The following CD300A variants were observed in gnomAD, a reference collection of about 807,000 sequenced individuals.
CD300A encodes CMRF35-like molecule 8.
CD300A carries 22 observed loss-of-function variants against 33.6 expected under a neutral mutation model. The observed-to-expected ratio is 0.66, with a 90% CI of 0.47 to 0.94. The LOEUF (loss-of-function observed/expected upper bound fraction) is 0.94. Ranked by LOEUF, CD300A falls within the 40% of genes least tolerant of loss-of-function variation. CD300A has a pLI of 0.00. For missense variants in CD300A, 326 were observed against 360.5 expected, an observed-to-expected ratio of 0.90 and a Z score of 0.77; for synonymous variants, 136 against 148.1, an observed-to-expected ratio of 0.92 and a Z score of 0.59.
chr17:74,483,925 C>G, intron 6 of CD300A, 76 bp from the exon 7 acceptor site: 1 of 1,555,948 alleles, frequency 6.4e-7, no homozygotes, highest in South Asian at 1.2e-5. Flanking sequence ...GGTGTCCTCC[C>G]TCCTCCATCC....
chr17:74,474,943 C>T (rs547388006), intron 3 of CD300A, among the ~76,000 whole-genome samples: 14 of 152,266 alleles, frequency 9.2e-5, no homozygotes, highest in South Asian at 4.1e-4. Flanking sequence ...CTACGAGGCC[C>T]GTGTTAGATG....
At chr17:74,482,453 A>G (rs1337396558) in intron 6 of CD300A, among the ~76,000 whole-genome samples, 1 of 151,810 alleles carries the variant, frequency 6.6e-6, no homozygotes, top group Non-Finnish European at 1.5e-5. Context: ...GACAGGGGAC[A>G]TTGTTGCTGG....
At chr17:74,474,434 AG>A in intron 2 of CD300A, 97 bp from the exon 3 acceptor site, 1 of 1,232,714 alleles carries the variant, frequency 8.1e-7, no homozygotes, top group Non-Finnish European at 1.2e-6. Flanking sequence ...CCCCTTCCTT[AG>A]TGGGCAGTTT....
chr17:74,476,933 T>C (rs1792609817), intron 3 of CD300A, among the ~76,000 whole-genome samples: 1 of 151,934 alleles, frequency 6.6e-6, no homozygotes, highest in East Asian at 1.9e-4. Context: ...TGTATACACA[T>C]AAAGAAACTC....
chr17:74,478,211 C>T (rs776632600), intron 4 of CD300A, among the ~76,000 whole-genome samples: 3 of 152,222 alleles, frequency 2.0e-5, no homozygotes, highest in Non-Finnish European at 4.4e-5. Context: ...TTTCTTTTCT[C>T]TGGGACCTTT....
chr17:74,481,140 C>A (rs1598108549), intron 4 of CD300A, 149 bp from the exon 5 acceptor site: 1 of 642,422 alleles, frequency 1.6e-6, no homozygotes. Context: ...TCAACAAACC[C>A]TTGAGTTCCT....
At chr17:74,481,407 G>A (rs367638221) in intron 5 of CD300A, 81 bp downstream of exon 5, 22 of 1,300,278 alleles carry the variant, frequency 1.7e-5, no homozygotes, top group Middle Eastern at 1.9e-4. Context: ...CAGTCCCATC[G>A]GCCAACGGAG....
intron 3 of CD300A, among the ~76,000 whole-genome samples, chr17:74,475,197 G>A (rs1284482010): frequency 6.6e-6 from 1 of 152,122 alleles, no homozygotes; most frequent in Non-Finnish European, 1.5e-5. Flanking sequence ...AGCAAAAGGG[G>A]TTTCCTCTTA....
intron 1 of CD300A, among the ~76,000 whole-genome samples, chr17:74,472,093 T>C (rs1351978367): frequency 6.6e-6 from 1 of 151,436 alleles, no homozygotes; most frequent in Non-Finnish European, 1.5e-5. Context: ...ACACAAAAAT[T>C]ATCCGGGTGT....
intron 4 of CD300A, 72 bp from the exon 5 acceptor site, chr17:74,481,217 G>A: frequency 6.8e-7 from 1 of 1,478,312 alleles, no homozygotes; most frequent in South Asian, 1.1e-5. Flanking sequence ...CCTTTTCCCA[G>A]AAGGCTTGTA....
At chr17:74,476,747 A>G (rs1353856097) in intron 3 of CD300A, among the ~76,000 whole-genome samples, 1 of 152,226 alleles carries the variant, frequency 6.6e-6, no homozygotes, top group Non-Finnish European at 1.5e-5. Context: ...ATTTAAATAA[A>G]TCACAGTCTA....
At chr17:74,477,379 A>G in intron 3 of CD300A, 57 bp from the exon 4 acceptor site, 1 of 1,149,150 alleles carries the variant, frequency 8.7e-7, no homozygotes, top group South Asian at 1.4e-5. Flanking sequence ...TAAAAATAAA[A>G]AAGTAAGTTG....
intron 6 of CD300A, among the ~76,000 whole-genome samples, chr17:74,482,223 C>T (rs1282103104): frequency 3.3e-5 from 5 of 151,976 alleles, no homozygotes; most frequent in Admixed American, 2.0e-4. Flanking sequence ...AACCCTTGGG[C>T]GCAGCCACCT....
At chr17:74,483,969 C>A (rs747542138) in intron 6 of CD300A, 32 bp from the exon 7 acceptor site, 3 of 1,610,828 alleles carry the variant, frequency 1.9e-6, no homozygotes, top group East Asian at 4.5e-5. Flanking sequence ...TTGCCTCTCC[C>A]AAGTCTTCAG....
chr17:74,482,514 G>A lies in CD300A; in HGVS notation c.774+681G>A, dbSNP rs192495313. 1.0e-3 allele frequency among the ~76,000 whole-genome samples: 159 copies of A among 151,782 alleles called. No individual in the cohort carries two copies. The Middle Eastern group carries it at 0.02, about 19-fold the overall frequency. The stretch of plus-strand genomic sequence containing the variant: ...CCTGGGATATCTCCAGCCTGGTACC[G>A]TTCTCCCCAGGCCGCCGTTTTGCAC... On this transcript the variant is annotated intron_variant, in intron 6 of 6. Transcript: ENST00000360141.
rs372925371 is a variant in CD300A, at chr17:74,473,621, C to G, written c.126C>G (p.His42Gln). The G allele has an allele frequency of 2.1e-5, 34 of 1,614,108 alleles. No homozygotes were observed. The African/African-American group carries it at 4.3e-4, about 20-fold the overall frequency. ...LSVQCPYEKE[H>Q]RTLNKYWCRP... ...TGCAGTGTCCCTATGAGAAGGAACA[C>G]AGGACCCTCAACAAATACTGGTGCA... The change falls in exon 2 of 7, where the codon CAC (histidine) becomes CAG (glutamine). Residue 42 changes from histidine to glutamine, a missense_variant. By Grantham distance (24) the His-to-Gln change is conservative (BLOSUM62 0). Transcript: ENST00000360141.
chr17:74,473,981 A>T, intron 2 of CD300A, 107 bp downstream of exon 2: 1 of 1,045,810 alleles, frequency 9.6e-7, no homozygotes, highest in East Asian at 2.9e-5. Context: ...TGTGTGCGTA[A>T]GAGAGAGAGA....
chr17:74,477,386 G>A, intron 3 of CD300A, 50 bp from the exon 4 acceptor site: 2 of 1,218,114 alleles, frequency 1.6e-6, no homozygotes, highest in Non-Finnish European at 2.4e-6. Context: ...AAAAAAGTAA[G>A]TTGGAGAAGG....
chr17:74,479,135 A>G (rs1906671017), intron 4 of CD300A, among the ~76,000 whole-genome samples: 1 of 152,222 alleles, frequency 6.6e-6, no homozygotes, highest in Admixed American at 6.5e-5. Flanking sequence ...ATCATCGATG[A>G]TAACTAAAAA....
Sources: allele counts gnomAD v4.1 joint callset (sites outside exome capture counted in the v4.1 genomes callset), GRCh38; gene constraint gnomAD v4.1.1; transcripts MANE v1.5; gene names NCBI Gene and HGNC (gene_info 2026-07-23, HGNC 2026-07-21).